The following LAMA1 variants were observed in gnomAD, a reference collection of about 807,000 sequenced individuals.
The protein encoded by LAMA1 is laminin subunit alpha 1, also known as laminin subunit alpha-1.
LAMA1 carries 219 observed loss-of-function variants against 348.7 expected under a neutral mutation model. That is an observed-to-expected ratio of 0.63 (90% confidence interval 0.56 to 0.70). LAMA1 has a LOEUF of 0.70. Among genes scored for constraint, LAMA1 ranks in the 30% least tolerant of loss-of-function variants. The pLI is 0.00. For synonymous variants in LAMA1, 1,487 were observed against 1,491.0 expected, an observed-to-expected ratio of 1.00 and a Z score of 0.06; for missense variants, 3,744 against 3,888.0, an observed-to-expected ratio of 0.96 and a Z score of 0.99.
At chr18:7,058,480 T>A (rs998737344) in intron 3 of LAMA1, among the ~76,000 whole-genome samples, 4 of 152,222 alleles carry the variant, frequency 2.6e-5, no homozygotes, top group African/African-American at 4.8e-5. Context: ...AAGTCATACA[T>A]TGAAGTTCTA....
chr18:7,025,801 C>G (rs181382580), intron 17 of LAMA1, among the ~76,000 whole-genome samples, 178 bp downstream of exon 17: 2 of 152,308 alleles, frequency 1.3e-5, no homozygotes, highest in East Asian at 3.9e-4. Flanking sequence ...CTTTCATAAG[C>G]CAAACGTTGG....
intron 39 of LAMA1, among the ~76,000 whole-genome samples, chr18:6,983,797 G>A (rs574687187): frequency 2.0e-5 from 3 of 152,252 alleles, no homozygotes; most frequent in African/African-American, 7.2e-5. Context: ...TTGGTAACTG[G>A]TAATGGCACA....
At chr18:7,039,068 A>G (rs1243258480) in intron 10 of LAMA1, 118 bp from the exon 11 acceptor site, 3 of 852,922 alleles carry the variant, frequency 3.5e-6, no homozygotes, top group Non-Finnish European at 6.0e-6. Flanking sequence ...TAAACGTCCA[A>G]AGTAAAGGTG....
At chr18:7,106,496 A>G (rs1229264657) in intron 1 of LAMA1, among the ~76,000 whole-genome samples, 1 of 151,756 alleles carries the variant, frequency 6.6e-6, no homozygotes, top group Non-Finnish European at 1.5e-5. Context: ...AGTAGCTCGG[A>G]CTACAGGTGT....
At chr18:6,998,866 C>T (rs1052916329) in intron 32 of LAMA1, among the ~76,000 whole-genome samples, 1 of 152,154 alleles carries the variant, frequency 6.6e-6, no homozygotes, top group African/African-American at 2.4e-5. Context: ...AACCCTGTCT[C>T]TACTAAAAAT....
At position 7,117,685 on chromosome 18, in the gene LAMA1, A is replaced by G; in HGVS notation, c.36T>C (p.Cys12=). The G allele has an allele frequency of 6.3e-7, 1 of 1,598,602 alleles. No individual in the cohort carries two copies. The highest frequency in any genetic ancestry group is 1.1e-5 in the South Asian group (1 of 90,876). ...RGGVLLVLLL[C]VAAQCRQRGL... ...CTCTCTGCCGGCACTGCGCGGCGAC[A>G]CACAGCAGCAAGACCAGGAGCACGC... The change falls in exon 1 of 63, where the codon TGT becomes TGC. Residue 12 remains cysteine, a synonymous_variant. Coordinates refer to ENST00000389658, the MANE Select transcript of LAMA1 (RefSeq NM_005559.4).
intron 1 of LAMA1, among the ~76,000 whole-genome samples, chr18:7,093,657 A>G (rs2058248803): frequency 6.6e-6 from 1 of 152,216 alleles, no homozygotes. Context: ...AAGGTTGATT[A>G]ATAATACCAT....
At chr18:7,054,517 G>T (rs960239803) in intron 3 of LAMA1, among the ~76,000 whole-genome samples, 1 of 152,324 alleles carries the variant, frequency 6.6e-6, no homozygotes, top group African/African-American at 2.4e-5. Flanking sequence ...GCTACTGACT[G>T]CAGACTTCCT....
At position 6,974,754 on chromosome 18, in the gene LAMA1, T is replaced by C. The variant is rs1956974753; in HGVS notation, c.6623+149A>G. 2.0e-5 allele frequency: 22 copies of C among 1,081,514 alleles called. No individual in the cohort carries two copies. The South Asian group carries it at 3.0e-4, about 15-fold the overall frequency. The allele number at this position is 1,081,514 out of a possible 1,614,324, so 67.0% of individuals were successfully genotyped here. A position where few individuals can be genotyped will look rare whatever the true frequency, so the allele number is the denominator to read the frequency against. ...TGAGCCACTGGCCACAAATGCTTAT[T>C]TCTACAGCTAACCTAAACCAAGTAT... On this transcript the variant is annotated intron_variant, in intron 46 of 62. Coordinates refer to ENST00000389658, the MANE Select transcript of LAMA1 (RefSeq NM_005559.4).
At chr18:7,106,449 T>C (rs1429930679) in intron 1 of LAMA1, among the ~76,000 whole-genome samples, 1 of 151,058 alleles carries the variant, frequency 6.6e-6, no homozygotes, top group East Asian at 2.0e-4. Flanking sequence ...AACCTCCACC[T>C]CCTGGGTTCA....
intron 33 of LAMA1, among the ~76,000 whole-genome samples, chr18:6,995,824 A>G (rs1329638663): frequency 2.6e-5 from 4 of 152,184 alleles, no homozygotes; most frequent in Non-Finnish European, 5.9e-5. Context: ...AATTCAATAA[A>G]GAAAGACTTT....
chr18:7,034,611 A>T lies in LAMA1; in HGVS notation c.1919T>A (p.Leu640His). Reference protein sequence around the residue: ...PYEEYLNVVRLVPENFQDFHS... With the variant: ...PYEEYLNVVRHVPENFQDFHS... Reference sequence around the variant, plus strand: ...AAAATCTTGGAAGTTTTCAGGCACAAGTCTAACCACGTTTAGGTACTCTTC... The same window carrying T: ...AAAATCTTGGAAGTTTTCAGGCACATGTCTAACCACGTTTAGGTACTCTTC... The change falls in exon 14 of 63, where the codon CTT becomes CAT. Residue 640 changes from leucine (L) to histidine (H), a missense_variant. By Grantham distance (99) the Leu-to-His change is moderately conservative (BLOSUM62 -3). Transcript: ENST00000389658. The T allele has an allele frequency of 6.2e-7, 1 of 1,614,232 alleles. No individual in the cohort carries two copies. Among genetic ancestry groups the T allele is most frequent in the Non-Finnish European group, 8.5e-7 (1 of 1,180,044 alleles).
At chr18:6,952,041 G>T (rs1452302785) in intron 57 of LAMA1, among the ~76,000 whole-genome samples, 1 of 152,078 alleles carries the variant, frequency 6.6e-6, no homozygotes, top group African/African-American at 2.4e-5. Context: ...TCGAGTGGCT[G>T]GTGGGCCCAC....
At chr18:7,102,061 G>C (rs895710109) in intron 1 of LAMA1, among the ~76,000 whole-genome samples, 1 of 151,994 alleles carries the variant, frequency 6.6e-6, no homozygotes, top group Non-Finnish European at 1.5e-5. Context: ...TATTGAATTT[G>C]AAATTATTCC....
In LAMA1 at chr18:6,966,248, C is replaced by T. The variant is rs1031497198; in HGVS notation, c.6949G>A (p.Val2317Ile). 3.7e-6 allele frequency: 6 copies of T among 1,613,808 alleles called. No homozygotes were observed. The highest frequency in any genetic ancestry group is 1.7e-5 in the Admixed American group (1 of 59,990). ...SFHFDGSGYS[V>I]VEKSLPATVT... Reference sequence around the variant, plus strand: ...GTAGCCGGAAGTGACTTCTCCACGACAGAGTACCCACTCCCGTCAAAATGG... The same window carrying T: ...GTAGCCGGAAGTGACTTCTCCACGATAGAGTACCCACTCCCGTCAAAATGG... The change falls in exon 49 of 63, where the codon GTC becomes ATC. Residue 2317 changes from valine (V) to isoleucine (I), a missense_variant. Val to Ile is a conservative substitution (Grantham distance 29). Transcript: ENST00000389658.
rs1206860690 is a variant in LAMA1 at position 7,011,295 on chromosome 18, C to T, written c.3687+5G>A. The T allele has an allele frequency of 6.2e-7, 1 of 1,610,200 alleles. No homozygotes were observed. The highest frequency in any genetic ancestry group is 8.5e-7 in the Non-Finnish European group (1 of 1,179,096). On this transcript the variant is annotated splice_donor_5th_base_variant and intron_variant, in intron 25 of 62. Transcript: ENST00000389658. ...GACTGGCTCTCGGCTGGGCGTGCAC[C>T]TCACCTGGTCTCCTTGGAACTGCTG...
At chr18:7,023,988 G>A (rs657287) in intron 18 of LAMA1, among the ~76,000 whole-genome samples, 63,001 of 151,602 alleles carry the variant, frequency 0.42, 14,082 homozygotes, top group African/African-American at 0.58. Context: ...ACAGGCACCC[G>A]CCGTCATGCC....
chr18:6,960,927 T>C (rs1407358110), intron 53 of LAMA1, among the ~76,000 whole-genome samples: 1 of 152,206 alleles, frequency 6.6e-6, no homozygotes, highest in Non-Finnish European at 1.5e-5. Flanking sequence ...GTCTGTAAAG[T>C]ACCCTGCAGA....
At chr18:7,116,037 G>A (rs1296751939) in intron 1 of LAMA1, among the ~76,000 whole-genome samples, 1 of 151,976 alleles carries the variant, frequency 6.6e-6, no homozygotes, top group Non-Finnish European at 1.5e-5. Flanking sequence ...GGGTGCGGAA[G>A]GCAAAAAGGC....
Sources: gnomAD v4.1 joint callset for allele counts (sites outside exome capture counted in the v4.1 genomes callset) on GRCh38, gnomAD v4.1.1 for gene constraint, MANE v1.5 for transcripts, NCBI Gene and HGNC (gene_info 2026-07-23, HGNC 2026-07-21) for gene names.